The following ASTN2 variants were observed in gnomAD, a reference collection of about 807,000 sequenced individuals.
ASTN2 encodes astrotactin-2.
In ASTN2, 54 loss-of-function variants were observed where a neutral mutation model predicts 139.8. That is an observed-to-expected ratio of 0.39 (90% CI 0.31 to 0.48). The LOEUF is 0.48. Ranked by LOEUF, ASTN2 falls within the 20% of genes least tolerant of loss-of-function variation. The pLI is 0.95. For missense variants in ASTN2, 1,565 were observed against 1,725.1 expected (o/e 0.91, Z 1.64); for synonymous variants, 756 against 719.5 (o/e 1.05, Z -0.81).
intron 3 of ASTN2, among the ~76,000 whole-genome samples, chr9:117,194,442 A>G (rs1831435150): frequency 6.6e-6 from 1 of 152,242 alleles, no homozygotes; most frequent in Admixed American, 6.5e-5. Flanking sequence ...CAAAAATGCC[A>G]TCAAAAGAAT....
chr9:117,378,655 CTTGACCCACCAAGGCAGTGT>C (rs1450585556), intron 1 of ASTN2, among the ~76,000 whole-genome samples: 3 of 152,276 alleles, frequency 2.0e-5, no homozygotes, highest in Non-Finnish European at 4.4e-5. Flanking sequence ...CTGCTCTGTC[CTTGACCCACCAAGGCAGTGT>C]TTAAGAACCT....
chr9:116,733,057 C>A (rs113988840), intron 14 of ASTN2, among the ~76,000 whole-genome samples: 3,539 of 152,260 alleles, frequency 0.023, 142 homozygotes, highest in South Asian at 0.16. Context: ...AAAATACTAA[C>A]AGTGGAAAAA....
At chr9:117,360,203 G>A (rs1009516580) in intron 1 of ASTN2, among the ~76,000 whole-genome samples, 1 of 152,144 alleles carries the variant, frequency 6.6e-6, no homozygotes, top group Non-Finnish European at 1.5e-5. Flanking sequence ...CTCTGTGCTC[G>A]GCAAACTTAC....
At chr9:117,336,739 C>T (rs929274255) in intron 1 of ASTN2, among the ~76,000 whole-genome samples, 6 of 152,080 alleles carry the variant, frequency 3.9e-5, no homozygotes, top group African/African-American at 1.4e-4. Context: ...TTTAAAGGAC[C>T]ATCCACATGA....
At chr9:117,196,148 A>C (rs1020180305) in intron 3 of ASTN2, among the ~76,000 whole-genome samples, 1 of 152,110 alleles carries the variant, frequency 6.6e-6, no homozygotes, top group African/African-American at 2.4e-5. Context: ...TGACTCAGCC[A>C]TACTCCAGCT....
At chr9:117,264,950 T>C (rs972052282) in intron 2 of ASTN2, among the ~76,000 whole-genome samples, 4 of 152,184 alleles carry the variant, frequency 2.6e-5, no homozygotes, top group African/African-American at 4.8e-5. Flanking sequence ...AGCTGAGATG[T>C]TTTCCTCCTA....
chr9:116,729,946 T>C (rs1828733219), intron 14 of ASTN2, among the ~76,000 whole-genome samples: 1 of 152,182 alleles, frequency 6.6e-6, no homozygotes, highest in African/African-American at 2.4e-5. Flanking sequence ...GAAACACTGG[T>C]GTAAACAAGA....
intron 4 of ASTN2, among the ~76,000 whole-genome samples, chr9:117,138,859 C>T (rs866299167): frequency 6.6e-6 from 1 of 152,120 alleles, no homozygotes; most frequent in Non-Finnish European, 1.5e-5. Context: ...AAGTAAGTGG[C>T]AAGTTTTATG....
At chr9:116,588,289 C>A (rs1190990235) in intron 19 of ASTN2, among the ~76,000 whole-genome samples, 1 of 152,216 alleles carries the variant, frequency 6.6e-6, no homozygotes, top group Non-Finnish European at 1.5e-5. Flanking sequence ...AAAATTCTGA[C>A]CTTCTATTGA....
intron 10 of ASTN2, among the ~76,000 whole-genome samples, chr9:116,901,500 T>A (rs892578385): frequency 6.6e-6 from 1 of 152,176 alleles, no homozygotes; most frequent in Non-Finnish European, 1.5e-5. Context: ...TCCTGTTGCT[T>A]AATGACATTG....
chr9:116,927,786 C>T (rs964651952), intron 10 of ASTN2, among the ~76,000 whole-genome samples: 2 of 152,148 alleles, frequency 1.3e-5, no homozygotes, highest in Non-Finnish European at 2.9e-5. Context: ...GTAATTCCTA[C>T]CCCAGGATCA....
At chr9:116,569,713 T>C (rs951707376) in intron 19 of ASTN2, among the ~76,000 whole-genome samples, 5 of 152,166 alleles carry the variant, frequency 3.3e-5, no homozygotes, top group African/African-American at 1.2e-4. Context: ...ACCTGGCTCA[T>C]ATGGTAGGCT....
intron 19 of ASTN2, among the ~76,000 whole-genome samples, chr9:116,554,756 T>C (rs1020492923): frequency 3.9e-5 from 6 of 152,190 alleles, no homozygotes; most frequent in Non-Finnish European, 5.9e-5. Flanking sequence ...ATCCTGGTTT[T>C]CCATTTACCA....
chr9:116,954,773 C>A (rs1835664372), intron 10 of ASTN2, among the ~76,000 whole-genome samples: 1 of 152,154 alleles, frequency 6.6e-6, no homozygotes, highest in Non-Finnish European at 1.5e-5. Flanking sequence ...CTTTTCACAC[C>A]CACCACTCTG....
At chr9:117,131,369 C>T (rs771473488) in intron 4 of ASTN2, among the ~76,000 whole-genome samples, 2 of 152,036 alleles carry the variant, frequency 1.3e-5, no homozygotes, top group South Asian at 2.1e-4. Flanking sequence ...AATAAGACAC[C>T]GAATTCCAAC....
intron 19 of ASTN2, among the ~76,000 whole-genome samples, chr9:116,536,704 C>G (rs533255954): frequency 6.6e-6 from 1 of 152,304 alleles, no homozygotes. Flanking sequence ...GCGGCCTGAT[C>G]GTTCCTCTGG....
chr9:117,169,875 G>T (rs372094627), intron 3 of ASTN2, among the ~76,000 whole-genome samples: 1 of 152,254 alleles, frequency 6.6e-6, no homozygotes. Flanking sequence ...CTAAGAGAAA[G>T]TGCCTCTGAA....
intron 3 of ASTN2, among the ~76,000 whole-genome samples, chr9:117,147,575 A>G (rs1023138664): frequency 2.6e-5 from 4 of 151,970 alleles, no homozygotes; most frequent in Non-Finnish European, 5.9e-5. Context: ...GCCCTCTTCA[A>G]TTTTTTCAGA....
intron 19 of ASTN2, chr9:116,612,270 A>G (rs921826867): frequency 3.9e-5 from 6 of 152,120 alleles, no homozygotes; most frequent in African/African-American, 1.4e-4. Flanking sequence ...CACAATAATA[A>G]TGGGAGACTT....
Sources: gnomAD v4.1 joint callset for allele counts (sites outside exome capture counted in the v4.1 genomes callset) on GRCh38, gnomAD v4.1.1 for gene constraint, MANE v1.5 for transcripts, NCBI Gene and HGNC (gene_info 2026-07-23, HGNC 2026-07-21) for gene names.